Variants in MTFR1 observed in about 807,000 individuals in gnomAD.
The protein encoded by MTFR1 is mitochondrial fission regulator 1.
Under a neutral mutation model 38.8 loss-of-function variants are expected in MTFR1, and 28 were observed. That is an observed-to-expected ratio of 0.72 (90% CI 0.53 to 0.99). The LOEUF (loss-of-function observed/expected upper bound fraction) is 0.99. Among genes scored for constraint, MTFR1 ranks in the 50% least tolerant of loss-of-function variants. The pLI is 0.00. For synonymous variants in MTFR1, 145 were observed against 137.0 expected, an observed-to-expected ratio of 1.06 and a Z score of -0.41; for missense variants, 358 against 395.5, an observed-to-expected ratio of 0.91 and a Z score of 0.81.
intron 1 of MTFR1, among the ~76,000 whole-genome samples, chr8:65,653,427 G>A (rs1013638862): frequency 6.6e-4 from 101 of 152,208 alleles, no homozygotes; most frequent in African/African-American, 2.3e-3. Context: ...CCCAAGAATC[G>A]CTTGACCCCG....
chr8:65,665,903 G>C (rs902696076), intron 1 of MTFR1, among the ~76,000 whole-genome samples: 1 of 145,468 alleles, frequency 6.9e-6, no homozygotes, highest in Non-Finnish European at 1.6e-5. Flanking sequence ...TACTAAAATG[G>C]CTTTATGCAT....
At chr8:65,711,019 C>T (rs1215862361), downstream of MTFR1, among the ~76,000 whole-genome samples, 16 of 151,380 alleles carry the variant, frequency 1.1e-4, no homozygotes, top group Non-Finnish European at 2.4e-4. Flanking sequence ...AGAGAGAATA[C>T]AAGACAGAAT....
chr8:65,686,579 C>CAA (rs757100773), intron 3 of MTFR1, among the ~76,000 whole-genome samples: 38 of 62,246 alleles, frequency 6.1e-4, no homozygotes, highest in Middle Eastern at 0.011. Context: ...GACTCCGTCT[C>CAA]AAAAAAAAAA....
In MTFR1 at chr8:65,709,825, A is replaced by G. The variant is rs1380138805; in HGVS notation, c.*781A>G. On this transcript the variant is annotated 3_prime_UTR_variant, in exon 8 of 8. Coordinates refer to ENST00000262146, the MANE Select transcript of MTFR1 (RefSeq NM_014637.4). ...AAGAAGTAAAAACTCAGAATGTACC[A>G]TCTTGTTTCCTTTCAGTTTATTAAA... The G allele has an allele frequency of 1.3e-5, 2 of 152,672 alleles. No homozygotes were observed. Among genetic ancestry groups the G allele is most frequent in the Admixed American group, 1.3e-4 (2 of 15,282 alleles). The allele number at this position is 152,672 out of a possible 1,614,324, so 9.5% of individuals were successfully genotyped here. A position where few individuals can be genotyped will look rare whatever the true frequency, so the allele number is the denominator to read the frequency against.
At chr8:65,694,846 A>C (rs776346885) in intron 4 of MTFR1, among the ~76,000 whole-genome samples, 1 of 152,236 alleles carries the variant, frequency 6.6e-6, no homozygotes, top group Non-Finnish European at 1.5e-5. Flanking sequence ...TATTCCTGGA[A>C]GAGTAAAGAA....
intron 1 of MTFR1, among the ~76,000 whole-genome samples, chr8:65,651,984 G>C (rs1809134894): frequency 6.7e-6 from 1 of 149,584 alleles, no homozygotes; most frequent in South Asian, 2.1e-4. Flanking sequence ...TTTCAGACAA[G>C]GTTTTGCTCT....
At chr8:65,712,034 C>CA (rs1388755094), downstream of MTFR1, among the ~76,000 whole-genome samples, 1 of 152,194 alleles carries the variant, frequency 6.6e-6, no homozygotes, top group Admixed American at 6.5e-5. Context: ...GGAGAAAGGC[C>CA]AGACTCTTCA....
intron 2 of MTFR1, among the ~76,000 whole-genome samples, chr8:65,678,233 T>C (rs1804773489): frequency 6.6e-6 from 1 of 152,108 alleles, no homozygotes; most frequent in Admixed American, 6.6e-5. Flanking sequence ...GACTTTTCAG[T>C]ACCATCTGTT....
chr8:65,723,987 G>A (rs977129755), intron 3 of MTFR1, among the ~76,000 whole-genome samples: 2 of 151,996 alleles, frequency 1.3e-5, no homozygotes, highest in Non-Finnish European at 2.9e-5. Flanking sequence ...GCAAGTTCAG[G>A]GAAATCTTTC....
intron 3 of MTFR1, among the ~76,000 whole-genome samples, chr8:65,758,285 T>A (rs1192675297): frequency 4.6e-5 from 7 of 152,212 alleles, no homozygotes; most frequent in African/African-American, 1.7e-4. Context: ...AATTCTGGCA[T>A]AAGGCTTAAA....
chr8:65,728,529 T>C (rs1477968988), intron 3 of MTFR1: 1 of 152,130 alleles, frequency 6.6e-6, no homozygotes, highest in East Asian at 1.9e-4. Flanking sequence ...GGTCAATGAA[T>C]AGGAGAAGAT....
chr8:65,644,976 C>T (rs965501020), intron 1 of MTFR1, among the ~76,000 whole-genome samples, 192 bp downstream of exon 1: 1 of 152,348 alleles, frequency 6.6e-6, no homozygotes, highest in South Asian at 2.1e-4. Context: ...CAGAGACTGC[C>T]TCGGCTGAGG....
At chr8:65,679,196 A>G (rs1804806061) in intron 2 of MTFR1, among the ~76,000 whole-genome samples, 1 of 152,204 alleles carries the variant, frequency 6.6e-6, no homozygotes, top group African/African-American at 2.4e-5. Context: ...CTTGTACTAC[A>G]TCATAGGAGA....
chr8:65,753,937 A>AC (rs989867226), intron 3 of MTFR1, among the ~76,000 whole-genome samples: 1 of 151,736 alleles, frequency 6.6e-6, no homozygotes, highest in African/African-American at 2.4e-5. Context: ...TAATATAGTC[A>AC]CCCCAGATCT....
chr8:65,739,762 T>C (rs925683847), intron 3 of MTFR1, among the ~76,000 whole-genome samples: 2 of 152,242 alleles, frequency 1.3e-5, no homozygotes, highest in African/African-American at 4.8e-5. Context: ...ACTTTATATG[T>C]CACATCTTGT....
downstream of MTFR1, chr8:65,714,836 C>T (rs931431326): frequency 6.6e-6 from 1 of 152,186 alleles, no homozygotes; most frequent in South Asian, 2.1e-4. Flanking sequence ...CAAGGAATTA[C>T]TAGCACCTCT....
At chr8:65,676,610 C>T (rs1642619276) in intron 2 of MTFR1, among the ~76,000 whole-genome samples, 1 of 152,174 alleles carries the variant, frequency 6.6e-6, no homozygotes, top group South Asian at 2.1e-4. Context: ...GTGATCCACC[C>T]TCTTCAGCCT....
intron 3 of MTFR1, among the ~76,000 whole-genome samples, chr8:65,770,164 C>T (rs935545808): frequency 8.5e-5 from 11 of 129,932 alleles, no homozygotes; most frequent in African/African-American, 3.3e-4. Flanking sequence ...TGTGTGTGTG[C>T]CACACCTAAT....
intron 1 of MTFR1, among the ~76,000 whole-genome samples, chr8:65,655,437 G>A (rs768830050): frequency 1.3e-5 from 2 of 152,124 alleles, no homozygotes; most frequent in East Asian, 1.9e-4. Flanking sequence ...AATGACATAT[G>A]TCCGATCCTG....
Sources: gnomAD v4.1 joint callset for allele counts (sites outside exome capture counted in the v4.1 genomes callset) on GRCh38, gnomAD v4.1.1 for gene constraint, MANE v1.5 for transcripts, NCBI Gene and HGNC (gene_info 2026-07-23, HGNC 2026-07-21) for gene names.